The following CTNNA3 variants were observed in gnomAD, a reference collection of about 807,000 sequenced individuals.
The protein encoded by CTNNA3 is catenin alpha-3.
A neutral mutation model predicts 95.7 loss-of-function variants in CTNNA3; 76 were observed. That is an observed-to-expected ratio of 0.79 (90% CI 0.66 to 0.96). CTNNA3 has a LOEUF of 0.96. Among genes scored for constraint, CTNNA3 ranks in the 40% least tolerant of loss-of-function variants. The pLI is 0.00. For synonymous variants in CTNNA3, 431 were observed against 374.4 expected, an observed-to-expected ratio of 1.15 and a Z score of -1.74; for missense variants, 1,191 against 1,089.8, an observed-to-expected ratio of 1.09 and a Z score of -1.31.
At chr10:67,246,161 C>T (rs1396477991) in intron 5 of CTNNA3, among the ~76,000 whole-genome samples, 6 of 152,190 alleles carry the variant, frequency 3.9e-5, no homozygotes, top group East Asian at 1.9e-4. Flanking sequence ...TAATTAATAA[C>T]GATTTTGCCT....
At chr10:67,321,135 T>A (rs1194932878) in intron 5 of CTNNA3, among the ~76,000 whole-genome samples, 1 of 152,212 alleles carries the variant, frequency 6.6e-6, no homozygotes. Flanking sequence ...ATCATGATAT[T>A]GTTAAAAACT....
intron 11 of CTNNA3, among the ~76,000 whole-genome samples, chr10:66,443,118 T>G (rs1008479625): frequency 2.0e-5 from 3 of 152,230 alleles, no homozygotes; most frequent in African/African-American, 7.2e-5. Context: ...GAGGGGCGCC[T>G]GTCATTGCCC....
intron 7 of CTNNA3, among the ~76,000 whole-genome samples, chr10:67,058,802 A>G (rs2133211081): frequency 6.6e-6 from 1 of 152,300 alleles, no homozygotes; most frequent in South Asian, 2.1e-4. Context: ...TCTACAAACC[A>G]GAAAATCTGA....
intron 15 of CTNNA3, among the ~76,000 whole-genome samples, chr10:66,002,907 G>T (rs1350657553): frequency 6.6e-6 from 1 of 152,180 alleles, no homozygotes; most frequent in Admixed American, 6.5e-5. Flanking sequence ...TCACAGCATT[G>T]CCTTTGCACA....
intron 5 of CTNNA3, among the ~76,000 whole-genome samples, chr10:67,313,754 T>G (rs2132532957): frequency 6.6e-6 from 1 of 152,164 alleles, no homozygotes; most frequent in South Asian, 2.1e-4. Context: ...ACAAGAGAAG[T>G]AAATAAGCAA....
At chr10:65,920,749 C>T (rs1589130015) in intron 17 of CTNNA3, 132 bp from the exon 18 acceptor site, 3 of 948,236 alleles carry the variant, frequency 3.2e-6, no homozygotes, top group Non-Finnish European at 3.1e-6. Context: ...TCACTTGAGC[C>T]CAGGAGGCAA....
At chr10:66,642,750 T>C (rs1845564401) in intron 9 of CTNNA3, among the ~76,000 whole-genome samples, 1 of 152,204 alleles carries the variant, frequency 6.6e-6, no homozygotes, top group Non-Finnish European at 1.5e-5. Context: ...AAGAAAACTT[T>C]ATTAGCATAC....
intron 10 of CTNNA3, among the ~76,000 whole-genome samples, chr10:66,576,718 T>C (rs1346447463): frequency 1.3e-5 from 2 of 152,206 alleles, no homozygotes; most frequent in East Asian, 3.9e-4. Flanking sequence ...ACAATTTCTT[T>C]ATCTGGTCCA....
intron 7 of CTNNA3, among the ~76,000 whole-genome samples, chr10:67,004,097 A>G (rs941055477): frequency 6.6e-6 from 1 of 152,128 alleles, no homozygotes; most frequent in Admixed American, 6.6e-5. Flanking sequence ...TGTTAAAAAA[A>G]AAAAGCCACC....
intron 11 of CTNNA3, among the ~76,000 whole-genome samples, chr10:66,491,048 C>T (rs998955406): frequency 1.3e-5 from 2 of 152,092 alleles, no homozygotes; most frequent in Non-Finnish European, 2.9e-5. Flanking sequence ...CCCTTTAGGC[C>T]CTCAAGTAAA....
intron 12 of CTNNA3, among the ~76,000 whole-genome samples, chr10:66,303,522 A>C (rs904239032): frequency 1.3e-5 from 2 of 152,184 alleles, no homozygotes; most frequent in Non-Finnish European, 2.9e-5. Context: ...TTAAACAATT[A>C]TTATTAAAAA....
intron 7 of CTNNA3, among the ~76,000 whole-genome samples, chr10:66,909,747 C>G (rs185718805): frequency 1.4e-3 from 217 of 152,252 alleles, no homozygotes; most frequent in African/African-American, 5.1e-3. Flanking sequence ...TACATACTTT[C>G]CGCTTGCACT....
At chr10:66,911,330 G>A (rs903589773) in intron 7 of CTNNA3, among the ~76,000 whole-genome samples, 2 of 152,146 alleles carry the variant, frequency 1.3e-5, no homozygotes, top group South Asian at 4.1e-4. Flanking sequence ...ATTACTTTTG[G>A]ATGGCGAGAT....
intron 13 of CTNNA3, among the ~76,000 whole-genome samples, chr10:66,160,094 G>T (rs1184885182): frequency 2.0e-5 from 3 of 151,920 alleles, no homozygotes; most frequent in Middle Eastern, 3.4e-3. Context: ...CTTGCTGATG[G>T]TTTATCAGTT....
intron 7 of CTNNA3, among the ~76,000 whole-genome samples, chr10:67,090,748 T>A (rs1353124188): frequency 1.3e-5 from 2 of 152,022 alleles, no homozygotes; most frequent in Non-Finnish European, 2.9e-5. Flanking sequence ...ACGCATCAAC[T>A]GACAGACGCA....
At chr10:66,593,491 G>A (rs1843617526) in intron 10 of CTNNA3, among the ~76,000 whole-genome samples, 1 of 151,974 alleles carries the variant, frequency 6.6e-6, no homozygotes, top group East Asian at 1.9e-4. Flanking sequence ...TTAGATCTAG[G>A]GTAGGGCCTC....
intron 7 of CTNNA3, among the ~76,000 whole-genome samples, chr10:66,788,333 T>C (rs1367921834): frequency 6.6e-6 from 1 of 152,108 alleles, no homozygotes; most frequent in Non-Finnish European, 1.5e-5. Flanking sequence ...GGGTGCTATA[T>C]ATCAGTTCCA....
At chr10:67,408,349 C>T (rs1042795422) in intron 5 of CTNNA3, among the ~76,000 whole-genome samples, 6 of 152,094 alleles carry the variant, frequency 3.9e-5, no homozygotes, top group Admixed American at 2.0e-4. Flanking sequence ...TACAGGGCTA[C>T]AGTAACCCAA....
chr10:66,337,190 AT>A (rs1156451207), intron 12 of CTNNA3, among the ~76,000 whole-genome samples: 2 of 152,142 alleles, frequency 1.3e-5, no homozygotes, highest in East Asian at 3.9e-4. Context: ...TTTTTAAAAA[AT>A]ATGTCAGTTT....
Sources: allele counts gnomAD v4.1 joint callset (sites outside exome capture counted in the v4.1 genomes callset), GRCh38; gene constraint gnomAD v4.1.1; transcripts MANE v1.5; gene names NCBI Gene and HGNC (gene_info 2026-07-23, HGNC 2026-07-21).